The following PATJ variants were observed in gnomAD, a reference collection of about 807,000 sequenced individuals.
PATJ encodes the protein PATJ crumbs cell polarity complex component.
PATJ carries 190 observed loss-of-function variants against 224.9 expected under a neutral mutation model. The observed-to-expected ratio is 0.84, with a 90% CI of 0.75 to 0.95. PATJ has a LOEUF of 0.95. Among genes scored for constraint, PATJ ranks in the 40% least tolerant of loss-of-function variants. The pLI, the probability that PATJ is intolerant of heterozygous loss-of-function variation, is 0.00. For synonymous variants in PATJ, 769 were observed against 820.3 expected (o/e 0.94, Z 1.07); for missense variants, 2,121 against 2,270.3 (o/e 0.93, Z 1.34).
At chr1:61,978,041 C>A (rs1018135263) in intron 27 of PATJ, among the ~76,000 whole-genome samples, 1 of 151,730 alleles carries the variant, frequency 6.6e-6, no homozygotes, top group Non-Finnish European at 1.5e-5. Flanking sequence ...TTACTAATAC[C>A]CAGAAGTCAC....
chr1:62,055,111 A>G (rs1654323499), intron 31 of PATJ, among the ~76,000 whole-genome samples: 1 of 152,154 alleles, frequency 6.6e-6, no homozygotes, highest in South Asian at 2.1e-4. Flanking sequence ...TTGGTTTGTG[A>G]TCTTAATCTT....
chr1:61,840,989 T>TTTCTATGA, intron 17 of PATJ, among the ~76,000 whole-genome samples: 1 of 152,196 alleles, frequency 6.6e-6, no homozygotes, highest in East Asian at 1.9e-4. Context: ...TGCTAATGGT[T>TTTCTATGA]TTCTATGATG....
intron 20 of PATJ, among the ~76,000 whole-genome samples, chr1:61,869,645 T>C (rs1666017963): frequency 6.6e-6 from 1 of 152,212 alleles, no homozygotes; most frequent in Non-Finnish European, 1.5e-5. Context: ...GATAGTCCCC[T>C]GACCCCTTTG....
chr1:61,808,324 G>C (rs770090793), intron 13 of PATJ, 150 bp from the exon 14 acceptor site: 8 of 632,600 alleles, frequency 1.3e-5, no homozygotes, highest in African/African-American at 1.9e-5. Context: ...TTCACATTAT[G>C]TGTTATAGAT....
intron 1 of PATJ, among the ~76,000 whole-genome samples, chr1:61,756,253 T>G (rs972870065): frequency 3.9e-5 from 6 of 152,220 alleles, no homozygotes; most frequent in African/African-American, 1.4e-4. Flanking sequence ...CCCTTTCTGC[T>G]ACTTCTGGAG....
intron 33 of PATJ, among the ~76,000 whole-genome samples, chr1:62,095,065 G>A (rs1408835616): frequency 6.6e-6 from 1 of 152,118 alleles, no homozygotes; most frequent in Non-Finnish European, 1.5e-5. Context: ...ACAATTATCT[G>A]TTCAACCTAT....
intron 27 of PATJ, among the ~76,000 whole-genome samples, chr1:61,947,332 C>T (rs1028056049): frequency 1.1e-4 from 17 of 152,108 alleles, no homozygotes; most frequent in Non-Finnish European, 2.2e-4. Flanking sequence ...TCATCTAAGC[C>T]CAAAATCTCC....
At chr1:61,877,227 C>T (rs1013814242) in intron 21 of PATJ, among the ~76,000 whole-genome samples, 5 of 149,146 alleles carry the variant, frequency 3.4e-5, no homozygotes, top group South Asian at 2.1e-4. Flanking sequence ...GTACTGCTCA[C>T]GTGGTTATTC....
intron 30 of PATJ, among the ~76,000 whole-genome samples, chr1:62,045,523 T>C (rs1390103613): frequency 6.6e-6 from 1 of 152,174 alleles, no homozygotes; most frequent in Non-Finnish European, 1.5e-5. Context: ...CTGCAAACCT[T>C]ACAAGTCTTG....
intron 35 of PATJ, among the ~76,000 whole-genome samples, chr1:62,115,741 T>A (rs1045352291): frequency 6.6e-6 from 1 of 151,454 alleles, no homozygotes; most frequent in Non-Finnish European, 1.5e-5. Flanking sequence ...CATGTTATGT[T>A]ATATGCCCTC....
At chr1:61,867,876 A>G (rs78346735) in intron 20 of PATJ, among the ~76,000 whole-genome samples, 1,642 of 152,288 alleles carry the variant, frequency 0.011, 32 homozygotes, top group African/African-American at 0.038. Flanking sequence ...AGCTCTGAGA[A>G]GATTTTAAAA....
chr1:61,994,535 G>C (rs1054034036), intron 28 of PATJ, among the ~76,000 whole-genome samples: 1 of 151,574 alleles, frequency 6.6e-6, no homozygotes, highest in Non-Finnish European at 1.5e-5. Flanking sequence ...TGGGAGAATG[G>C]AAAAATGCAT....
At position 61,801,725 on chromosome 1, in the gene PATJ, T is replaced by C. The variant is rs747769528; in HGVS notation, c.1505T>C (p.Ile502Thr). 6.2e-7 allele frequency: 1 copy of C among 1,600,902 alleles called. No homozygotes were observed. Among genetic ancestry groups the C allele is most frequent in the Non-Finnish European group, 8.5e-7 (1 of 1,171,714 alleles). Residue 502 changes from isoleucine to threonine, a missense_variant, in exon 12 of 44, where the codon ATT becomes ACT. Coordinates refer to ENST00000642238, the MANE Select transcript of PATJ (RefSeq NM_001350145.3). ...GAAGATGAGGAAATTAAAGAAAGAA[T>C]TGATACTTTAAAAAATGACAACATA... ...DGEDEEIKER[I>T]DTLKNDNIQA...
Position 62,038,078 on chromosome 1 carries a change from A to G in PATJ, c.4032+29A>G, listed in dbSNP as rs1650782037. 3 of 1,351,688 alleles carry G rather than the reference A, an allele frequency of 2.2e-6. 1 individual carries two copies. Among genetic ancestry groups the G allele is most frequent in the Admixed American group, 3.5e-5 (2 of 56,512 alleles). The allele number at this position is 1,351,688 out of a possible 1,614,324, so 83.7% of individuals were successfully genotyped here. On this transcript the variant is annotated intron_variant, in intron 30 of 43. Coordinates refer to ENST00000642238, the MANE Select transcript of PATJ (RefSeq NM_001350145.3). ...AGGTTGTTTCTAATTAGCTCTTAGT[A>G]TATTAGATGGATTTGTCATGAGCAT... is the stretch of plus-strand genomic sequence containing the variant.
chr1:61,772,677 A>C (rs1213436812), intron 6 of PATJ, among the ~76,000 whole-genome samples: 1 of 152,216 alleles, frequency 6.6e-6, no homozygotes, highest in African/African-American at 2.4e-5. Flanking sequence ...AATTTACATA[A>C]TAAATACAGT....
Position 61,797,329 on chromosome 1 carries a change from G to T in PATJ, c.1303G>T (p.Val435Phe). The T allele has an allele frequency of 6.2e-7, 1 of 1,613,988 alleles. No homozygotes were observed. Among genetic ancestry groups the T allele is most frequent in the Non-Finnish European group, 8.5e-7 (1 of 1,179,862 alleles). ...TCAGGGTTTTGCCAACCATGATGTTGTTGAAGTATTACGAAATGCAGGGCA... is the reference window on the plus strand; with the variant it reads ...TCAGGGTTTTGCCAACCATGATGTTTTTGAAGTATTACGAAATGCAGGGCA... ...NIQGFANHDVVEVLRNAGQVV... is the reference protein window; with the variant it reads ...NIQGFANHDVFEVLRNAGQVV... The change falls in exon 11 of 44, where the codon GTT (valine) becomes TTT (phenylalanine). Residue 435 changes from valine (V) to phenylalanine (F), a missense_variant. By Grantham distance (50) the Val-to-Phe change is conservative (BLOSUM62 -1). Transcript: ENST00000642238.
rs1558220200 is a variant in PATJ at position 62,136,677 on chromosome 1, GTGTGTGTGTGTGTGTC to G, written c.5271+7747_5271+7762del. On this transcript the variant is annotated intron_variant, in intron 41 of 43. Transcript: ENST00000642238. The stretch of plus-strand genomic sequence containing the variant: ...TGTGTGTGTGTGTCTGTGTGTGTGT[GTGTGTGTGTGTGTGTC>G]TGTGTGTGTGTGTGGTGTGTTGTTT... Among the ~76,000 whole-genome samples, 293 of 147,486 alleles carry G rather than the reference GTGTGTGTGTGTGTGTC, an allele frequency of 2.0e-3. 2 individuals carry two copies. The highest frequency in any genetic ancestry group is 6.8e-3 in the African/African-American group (275 of 40,446).
intron 17 of PATJ, among the ~76,000 whole-genome samples, chr1:61,849,361 T>C (rs1662460781): frequency 1.3e-5 from 2 of 152,154 alleles, no homozygotes; most frequent in Admixed American, 1.3e-4. Context: ...TTTGGGAGGC[T>C]GAGGTGGGAG....
chr1:61,795,120 A>G (rs1228472415), intron 9 of PATJ, among the ~76,000 whole-genome samples: 14 of 151,358 alleles, frequency 9.2e-5, no homozygotes, highest in Admixed American at 5.9e-4. Flanking sequence ...AAAAAAAAAA[A>G]AAGAAGTTTT....
Sources: gnomAD v4.1 joint callset for allele counts (sites outside exome capture counted in the v4.1 genomes callset) on GRCh38, gnomAD v4.1.1 for gene constraint, MANE v1.5 for transcripts, NCBI Gene and HGNC (gene_info 2026-07-23, HGNC 2026-07-21) for gene names.